Variants in CTNNA3 observed in about 807,000 individuals in gnomAD.
CTNNA3 encodes the protein catenin alpha 3.
CTNNA3 carries 76 observed loss-of-function variants against 95.7 expected under a neutral mutation model. The ratio of observed to expected loss-of-function variants is 0.79; its 90% CI spans 0.66 to 0.96. The LOEUF is 0.96. Ranked by LOEUF, CTNNA3 falls within the 40% of genes least tolerant of loss-of-function variation. The pLI is 0.00. For missense variants in CTNNA3, 1,191 were observed against 1,089.8 expected, an observed-to-expected ratio of 1.09 and a Z score of -1.31; for synonymous variants, 431 against 374.4, an observed-to-expected ratio of 1.15 and a Z score of -1.74.
At chr10:66,322,715 C>T (rs1395582728) in intron 12 of CTNNA3, among the ~76,000 whole-genome samples, 1 of 152,020 alleles carries the variant, frequency 6.6e-6, no homozygotes, top group East Asian at 1.9e-4. Flanking sequence ...GAACAAGAAT[C>T]CTGCTGAATA....
intron 7 of CTNNA3, among the ~76,000 whole-genome samples, chr10:67,040,893 T>C (rs939227936): frequency 7.0e-4 from 106 of 152,218 alleles, no homozygotes; most frequent in African/African-American, 2.5e-3. Flanking sequence ...GAGACAAAGA[T>C]AAAAAAGACC....
At chr10:66,396,225 T>G (rs2092975791) in intron 11 of CTNNA3, among the ~76,000 whole-genome samples, 1 of 152,048 alleles carries the variant, frequency 6.6e-6, no homozygotes, top group Admixed American at 6.6e-5. Flanking sequence ...AGCTTTCTAA[T>G]TTAACTCTGA....
intron 5 of CTNNA3, among the ~76,000 whole-genome samples, chr10:67,417,337 C>T (rs1034577682): frequency 6.6e-6 from 1 of 152,130 alleles, no homozygotes; most frequent in Admixed American, 6.5e-5. Context: ...ATCTACCTAC[C>T]AGGTACTAGG....
chr10:65,997,023 GT>G (rs35832130), intron 15 of CTNNA3, among the ~76,000 whole-genome samples: 73 of 151,708 alleles, frequency 4.8e-4, no homozygotes, highest in Admixed American at 1.7e-3. Flanking sequence ...CATTAATTGT[GT>G]TTTTTTTAAT....
At chr10:67,733,286 C>T (rs1322666773) in intron 1 of CTNNA3, among the ~76,000 whole-genome samples, 2 of 152,158 alleles carry the variant, frequency 1.3e-5, no homozygotes, top group African/African-American at 2.4e-5. Flanking sequence ...TGCTACTATT[C>T]TTCCAGTTCA....
chr10:66,222,985 A>C (rs2089051930), intron 13 of CTNNA3, among the ~76,000 whole-genome samples: 1 of 152,072 alleles, frequency 6.6e-6, no homozygotes, highest in Non-Finnish European at 1.5e-5. Context: ...GTGTATTTAG[A>C]GTGTGGATAC....
At chr10:67,348,079 T>C (rs1017698166) in intron 5 of CTNNA3, among the ~76,000 whole-genome samples, 3 of 152,136 alleles carry the variant, frequency 2.0e-5, no homozygotes, top group African/African-American at 7.2e-5. Context: ...CTTCAACAAA[T>C]GGTGTAAAAA....
In CTNNA3 at chr10:66,764,641, G is replaced by A. The variant is rs145717756; in HGVS notation, c.1281+1623C>T. 4.7e-3 allele frequency among the ~76,000 whole-genome samples: 717 copies of A among 152,246 alleles called. 4 individuals are homozygous for A. Among genetic ancestry groups the A allele is most frequent in the Non-Finnish European group, 7.9e-3 (536 of 68,010 alleles). ...AAAGAAGTTGTTTTCATAATTTGGT[G>A]TGTCTTCAGCTTAGAGAACACATTT... On this transcript the variant is annotated intron_variant, in intron 9 of 17. Transcript: ENST00000433211.
chr10:66,856,898 CTTTAG>C (rs1470512529), intron 7 of CTNNA3, among the ~76,000 whole-genome samples: 1 of 151,990 alleles, frequency 6.6e-6, no homozygotes, highest in Non-Finnish European at 1.5e-5. Flanking sequence ...TGCAGAAGCT[CTTTAG>C]TTTAATTAGG....
intron 12 of CTNNA3, among the ~76,000 whole-genome samples, chr10:66,292,105 A>G (rs1022554287): frequency 3.9e-5 from 6 of 151,994 alleles, no homozygotes; most frequent in Non-Finnish European, 8.8e-5. Context: ...ATATATATAT[A>G]CATACACATA....
At chr10:66,272,029 G>A (rs10997025) in intron 13 of CTNNA3, among the ~76,000 whole-genome samples, 22,937 of 152,128 alleles carry the variant, frequency 0.15, 1,878 homozygotes, top group East Asian at 0.28. Context: ...GCCAGCAGGC[G>A]TTCCAAGGTT....
chr10:66,025,039 T>C (rs1224197628), intron 15 of CTNNA3, among the ~76,000 whole-genome samples: 1 of 152,240 alleles, frequency 6.6e-6, no homozygotes, highest in Non-Finnish European at 1.5e-5. Flanking sequence ...TCTATTTGAA[T>C]GCTTTGGTTA....
chr10:66,550,022 T>G (rs1842166686), intron 10 of CTNNA3, among the ~76,000 whole-genome samples: 1 of 152,212 alleles, frequency 6.6e-6, no homozygotes, highest in Non-Finnish European at 1.5e-5. Flanking sequence ...AAATGTTCTA[T>G]TTATTGCTGA....
intron 15 of CTNNA3, among the ~76,000 whole-genome samples, chr10:66,054,438 C>A (rs909911112): frequency 1.3e-5 from 2 of 151,988 alleles, no homozygotes; most frequent in African/African-American, 4.8e-5. Context: ...GGTGAGGTGA[C>A]CTCAAGGTAG....
chr10:67,181,384 G>T (rs938832273), intron 6 of CTNNA3, among the ~76,000 whole-genome samples: 1 of 151,998 alleles, frequency 6.6e-6, no homozygotes, highest in African/African-American at 2.4e-5. Flanking sequence ...CTGCTCTAAG[G>T]GTCTTTTATT....
intron 7 of CTNNA3, among the ~76,000 whole-genome samples, chr10:66,979,934 C>G (rs1850313788): frequency 6.6e-6 from 1 of 152,160 alleles, no homozygotes; most frequent in East Asian, 1.9e-4. Flanking sequence ...TTACTTTCCT[C>G]AAGTACTGTT....
At chr10:67,656,331 CAT>C (rs1270496675) in intron 1 of CTNNA3, among the ~76,000 whole-genome samples, 1 of 152,134 alleles carries the variant, frequency 6.6e-6, no homozygotes, top group Non-Finnish European at 1.5e-5. Flanking sequence ...GATGTGTTTA[CAT>C]AGAGGGCAAT....
At chr10:66,533,427 G>T (rs116013097) in intron 10 of CTNNA3, among the ~76,000 whole-genome samples, 18 of 152,106 alleles carry the variant, frequency 1.2e-4, no homozygotes, top group African/African-American at 4.1e-4. Context: ...ATTGTCGTGG[G>T]TATTTATCTC....
rs1167701722 is a variant in CTNNA3, at chr10:67,305,132, A to G, written c.580-85262T>C. Among the ~76,000 whole-genome samples, 3 of 152,032 alleles carry G rather than the reference A, an allele frequency of 2.0e-5. No individual in the cohort carries two copies. The South Asian group carries it at 6.2e-4, about 32-fold the overall frequency. On this transcript the variant is annotated intron_variant, in intron 5 of 17. Transcript: ENST00000433211. Reference sequence around the variant, plus strand: ...TCTACTAAAAATACAAAAAATTAGCAGGGAGTGGTGGGGGGCGCCCGTAGT... The same window carrying G: ...TCTACTAAAAATACAAAAAATTAGCGGGGAGTGGTGGGGGGCGCCCGTAGT...
Sources: allele counts gnomAD v4.1 joint callset (sites outside exome capture counted in the v4.1 genomes callset), GRCh38; gene constraint gnomAD v4.1.1; transcripts MANE v1.5; gene names NCBI Gene and HGNC (gene_info 2026-07-23, HGNC 2026-07-21).